Variants in MGAT5B observed in about 807,000 individuals in gnomAD.
The protein encoded by MGAT5B is alpha-1,6-mannosylglycoprotein 6-beta-N-acetylglucosaminyltransferase B.
In MGAT5B, 54 loss-of-function variants were observed where a neutral mutation model predicts 95.1. That is an observed-to-expected ratio of 0.57 (90% CI 0.46 to 0.71). MGAT5B has a LOEUF of 0.71. Ranked by LOEUF, MGAT5B falls within the 30% of genes least tolerant of loss-of-function variation. MGAT5B has a pLI of 0.00. For synonymous variants in MGAT5B, 464 were observed against 451.0 expected (o/e 1.03, Z -0.36); for missense variants, 935 against 1,088.6 (o/e 0.86, Z 1.99).
At chr17:76,904,484 G>A (rs973952729) in intron 6 of MGAT5B, 62 bp downstream of exon 6, 6 of 1,502,478 alleles carry the variant, frequency 4.0e-6, no homozygotes, top group Non-Finnish European at 4.5e-6. Context: ...CTTAAGGACA[G>A]TGGACAGAAA....
Position 76,869,759 on chromosome 17 carries a change from C to T in MGAT5B, c.68+662C>T, listed in dbSNP as rs1263739479. The stretch of plus-strand genomic sequence containing the variant: ...GGGGCGGCTGGAGCCGAGGCTGCGG[C>T]GGAGCGTGGTGGGCGGGCGGTGGCG... On this transcript the variant is annotated intron_variant, in intron 1 of 17. Coordinates refer to ENST00000569840, the MANE Select transcript of MGAT5B (RefSeq NM_001199172.2). This position sits in a 1 kb window ranked among gnomAD's most constrained non-coding sequence, Gnocchi z 7.0. Among the ~76,000 whole-genome samples, 2 of 152,298 alleles carry T rather than the reference C, an allele frequency of 1.3e-5. No homozygotes were observed. The highest frequency in any genetic ancestry group is 2.9e-5 in the Non-Finnish European group (2 of 68,006).
chr17:76,885,726 T>C (rs867789327), intron 3 of MGAT5B, among the ~76,000 whole-genome samples: 1 of 152,216 alleles, frequency 6.6e-6, no homozygotes, highest in African/African-American at 2.4e-5. Context: ...TGGTTGCTGG[T>C]TTCAGGGAGA....
chr17:76,891,319 C>CTAA (rs976866439), intron 3 of MGAT5B, among the ~76,000 whole-genome samples: 36 of 152,212 alleles, frequency 2.4e-4, no homozygotes, highest in African/African-American at 8.7e-4. Context: ...CCCTCATGAC[C>CTAA]TAATCCCCCT....
Position 76,904,437 on chromosome 17 carries a change from T to C in MGAT5B, c.690+15T>C, listed in dbSNP as rs1968442557. ...CCAAAGTCCAGGTGGGCCTGGGAGG[T>C]GGGTGGGCCGGTGAGGGGCTGGTGT... On this transcript the variant is annotated intron_variant, in intron 6 of 17. Coordinates refer to ENST00000569840, the MANE Select transcript of MGAT5B (RefSeq NM_001199172.2). 1 of 1,549,638 alleles carries C rather than the reference T, an allele frequency of 6.5e-7. No individual in the cohort carries two copies. Among genetic ancestry groups the C allele is most frequent in the Admixed American group, 2.0e-5 (1 of 51,070 alleles).
chr17:76,946,538 AC>A, intron 16 of MGAT5B, 88 bp downstream of exon 16: 1 of 1,122,754 alleles, frequency 8.9e-7, no homozygotes, highest in Non-Finnish European at 1.2e-6. Context: ...AGGGCCCTGC[AC>A]CCGTGAAACC....
intron 3 of MGAT5B, among the ~76,000 whole-genome samples, chr17:76,887,573 T>A (rs1171794401): frequency 3.2e-5 from 4 of 125,434 alleles, no homozygotes; most frequent in African/African-American, 9.5e-5. Flanking sequence ...TTTTTTTTTT[T>A]AACAGAATCT....
chr17:76,919,167 G>A (rs1475438087), intron 8 of MGAT5B, among the ~76,000 whole-genome samples: 3 of 152,144 alleles, frequency 2.0e-5, no homozygotes, highest in Non-Finnish European at 4.4e-5. Context: ...CCTAGCCGAG[G>A]GTTTCTTCTA....
Position 76,915,374 on chromosome 17 carries a change from A to G in MGAT5B, c.1025+9187A>G, listed in dbSNP as rs1174848481. ...GCCGGGGATCGGGCACTCCTCTCTG[A>G]CGGTTTCTATTTTATCTTCGATGCC... On this transcript the variant is annotated intron_variant, in intron 8 of 17. Coordinates refer to ENST00000569840, the MANE Select transcript of MGAT5B (RefSeq NM_001199172.2). The surrounding 1 kb of genome is among the most constrained non-coding windows in gnomAD (Gnocchi z 8.7). Among the ~76,000 whole-genome samples the G allele has an allele frequency of 6.6e-6, 1 of 152,014 alleles. No individual in the cohort carries two copies. The highest frequency in any genetic ancestry group is 1.5e-5 in the Non-Finnish European group (1 of 68,000).
At chr17:76,892,110 G>C (rs892750308) in intron 3 of MGAT5B, among the ~76,000 whole-genome samples, 1 of 152,084 alleles carries the variant, frequency 6.6e-6, no homozygotes, top group Non-Finnish European at 1.5e-5. Flanking sequence ...GCAGTGGCTC[G>C]ATCACGGCTC....
chr17:76,924,599 C>T (rs1160211501), intron 8 of MGAT5B, among the ~76,000 whole-genome samples: 1 of 152,210 alleles, frequency 6.6e-6, no homozygotes, highest in African/African-American at 2.4e-5. Flanking sequence ...CGTAGCTGCG[C>T]TGAGGACTGC....
chr17:76,899,417 G>A (rs1308281603), intron 3 of MGAT5B, among the ~76,000 whole-genome samples: 1 of 152,168 alleles, frequency 6.6e-6, no homozygotes, highest in Non-Finnish European at 1.5e-5. Flanking sequence ...ACTGAGGCGG[G>A]AGGATCACTT....
rs566975920 is a variant in MGAT5B, at chr17:76,915,811, T to G, written c.1026-9155T>G. On this transcript the variant is annotated intron_variant, in intron 8 of 17. Coordinates refer to ENST00000569840, the MANE Select transcript of MGAT5B (RefSeq NM_001199172.2). This position sits in a 1 kb window ranked among gnomAD's most constrained non-coding sequence, Gnocchi z 8.7. ...CTCCTGTCTCCTTTTTCCTTCCCCT[T>G]CCTTCAGTTTCAAGGAGGCATTTTA... Among the ~76,000 whole-genome samples the G allele has an allele frequency of 7.9e-5, 12 of 152,282 alleles. No homozygotes were observed. In the South Asian group the frequency reaches 2.5e-3, roughly 32 times the overall value.
At chr17:76,932,052 CTCCTCCTCCTTTTT>C (rs1175346622) in intron 10 of MGAT5B, among the ~76,000 whole-genome samples, 49 of 118,776 alleles carry the variant, frequency 4.1e-4, no homozygotes, top group African/African-American at 1.3e-3. Context: ...CCTCCTCTTT[CTCCTCCTCCTTTTT>C]TCCTCCTCCT....
At chr17:76,910,246 C>T (rs976874703) in intron 8 of MGAT5B, among the ~76,000 whole-genome samples, 1 of 152,220 alleles carries the variant, frequency 6.6e-6, no homozygotes, top group Admixed American at 6.5e-5. Context: ...GGGGCCCACT[C>T]GCCCGCCTGC....
rs1025196969 is a variant in MGAT5B, at chr17:76,944,545, C to T, written c.1849-1831C>T. Among the ~76,000 whole-genome samples, 9 of 152,296 alleles carry T rather than the reference C, an allele frequency of 5.9e-5. No homozygotes were observed. In the East Asian group the frequency reaches 7.7e-4, roughly 13 times the overall value. ...GGCTGCCAGGGTCTTCTTGGGCCAT[C>T]GGCTCGGGAATGAGAGCAGGTCGGG... On this transcript the variant is annotated intron_variant, in intron 15 of 17. Coordinates refer to ENST00000569840, the MANE Select transcript of MGAT5B (RefSeq NM_001199172.2).
At position 76,938,000 on chromosome 17, in the gene MGAT5B, T is replaced by C. The variant is rs1402583452; in HGVS notation, c.1441T>C (p.Phe481Leu). 1.2e-6 allele frequency: 2 copies of C among 1,613,762 alleles called. No individual in the cohort carries two copies. Among genetic ancestry groups the C allele is most frequent in the Non-Finnish European group, 8.5e-7 (1 of 1,179,652 alleles). The change falls in exon 13 of 18, where the codon TTC (phenylalanine) becomes CTC (leucine). Residue 481 changes from phenylalanine (F) to leucine (L), a missense_variant. By Grantham distance (22) the Phe-to-Leu change is conservative. Around this residue, in one of 4 missense-constraint regions of MGAT5B, gnomAD observed 440 missense variants for 523.6 expected, o/e 0.84. Coordinates refer to ENST00000569840, the MANE Select transcript of MGAT5B (RefSeq NM_001199172.2). ...SIWKLQGKEK[F>L]LGILNKYMEI... The stretch of plus-strand genomic sequence containing the variant: ...CTTCTTTTTCCAGGGGAAGGAGAAG[T>C]TCCTGGGCATCCTGAACAAATACAT...
chr17:76,923,641 C>T (rs958537959), intron 8 of MGAT5B, among the ~76,000 whole-genome samples: 5 of 152,214 alleles, frequency 3.3e-5, no homozygotes, highest in Non-Finnish European at 4.4e-5. Flanking sequence ...CCTCAGCACA[C>T]GCTGATCAGA....
intron 2 of MGAT5B, among the ~76,000 whole-genome samples, chr17:76,873,166 T>C (rs1967068299): frequency 6.6e-6 from 1 of 152,252 alleles, no homozygotes; most frequent in African/African-American, 2.4e-5. Flanking sequence ...TCCTCTGGCC[T>C]GGATTCTCAG....
chr17:76,942,598 A>G (rs1969896009), intron 15 of MGAT5B, among the ~76,000 whole-genome samples: 1 of 152,234 alleles, frequency 6.6e-6, no homozygotes, highest in Non-Finnish European at 1.5e-5. Context: ...CAGGTATTTG[A>G]CTGGTACCAG....
Sources: gnomAD v4.1 joint callset for allele counts (sites outside exome capture counted in the v4.1 genomes callset) on GRCh38, gnomAD v4.1.1 for gene constraint, gnomAD v4.1.1 regional missense constraint, Gnocchi (gnomAD v3.1) non-coding constraint, MANE v1.5 for transcripts, NCBI Gene and HGNC (gene_info 2026-07-23, HGNC 2026-07-21) for gene names.